The following RUFY3 variants were observed in gnomAD, a reference collection of about 807,000 sequenced individuals.
RUFY3 encodes RUN and FYVE domain containing 3, also known as protein RUFY3.
Under a neutral mutation model 84.0 loss-of-function variants are expected in RUFY3, and 34 were observed. The observed-to-expected ratio is 0.40, with a 90% CI of 0.31 to 0.54. The LOEUF (loss-of-function observed/expected upper bound fraction) is 0.54, where lower values mean the gene tolerates loss of function less well. RUFY3 is among the 20% of genes least tolerant of loss of function. RUFY3 has a pLI of 0.39. For missense variants in RUFY3, 507 were observed against 736.8 expected (o/e 0.69, Z 3.61); for synonymous variants, 242 against 252.9 (o/e 0.96, Z 0.41).
intron 13 of RUFY3, among the ~76,000 whole-genome samples, chr4:70,794,186 C>T (rs58134605): frequency 0.041 from 6,294 of 152,260 alleles, 292 homozygotes; most frequent in East Asian, 0.2. Context: ...TTCCTGAATT[C>T]TTACTGTGTG....
At chr4:70,724,577 A>T (rs754395090) in intron 1 of RUFY3, among the ~76,000 whole-genome samples, 24 of 152,210 alleles carry the variant, frequency 1.6e-4, no homozygotes, top group Admixed American at 6.5e-4. Context: ...TAAGTAATAA[A>T]TTGTATGTCT....
At chr4:70,713,299 A>G (rs992150754) in intron 1 of RUFY3, among the ~76,000 whole-genome samples, 1 of 152,234 alleles carries the variant, frequency 6.6e-6, no homozygotes, top group African/African-American at 2.4e-5. Context: ...TTGGGATTAC[A>G]GGCGTGAGCC....
intron 1 of RUFY3, among the ~76,000 whole-genome samples, chr4:70,708,899 T>A (rs1185742108): frequency 6.6e-6 from 1 of 152,012 alleles, no homozygotes; most frequent in East Asian, 1.9e-4. Flanking sequence ...TTTTTTAAAT[T>A]AAAAATAAGT....
At chr4:70,713,792 G>C (rs1741266916) in intron 1 of RUFY3, among the ~76,000 whole-genome samples, 1 of 152,150 alleles carries the variant, frequency 6.6e-6, no homozygotes, top group Non-Finnish European at 1.5e-5. Context: ...AGGTGAGAAT[G>C]CTTGGTAAAA....
chr4:70,741,449 T>C (rs549067955), intron 1 of RUFY3, among the ~76,000 whole-genome samples: 1 of 152,342 alleles, frequency 6.6e-6, no homozygotes, highest in South Asian at 2.1e-4. Flanking sequence ...TTGCTATCTC[T>C]GCTTATTTGG....
chr4:70,710,418 C>CCG (rs1366785369), intron 1 of RUFY3, among the ~76,000 whole-genome samples: 6 of 152,170 alleles, frequency 3.9e-5, no homozygotes, highest in African/African-American at 1.4e-4. Flanking sequence ...CGCCTGTAAT[C>CCG]CCATCACTTT....
At chr4:70,712,157 A>G (rs1741067555) in intron 1 of RUFY3, among the ~76,000 whole-genome samples, 1 of 151,482 alleles carries the variant, frequency 6.6e-6, no homozygotes, top group South Asian at 2.1e-4. Context: ...TTATATAACA[A>G]TTTTTTTTTG....
At chr4:70,722,791 C>A in intron 1 of RUFY3, 40 bp downstream of exon 1, 1 of 1,586,714 alleles carries the variant, frequency 6.3e-7, no homozygotes, top group South Asian at 1.1e-5. Flanking sequence ...CACCAGCATC[C>A]TCATTGTTAT....
intron 7 of RUFY3, among the ~76,000 whole-genome samples, chr4:70,775,944 C>CAAAAAAAAAAAAAAAAA (rs11369578): frequency 7.6e-6 from 1 of 132,292 alleles, no homozygotes; most frequent in African/African-American, 3.2e-5. Context: ...CTGTCTTAAA[C>CAAAAAAAAAAAAAAAAA]AAAAAAAAAA....
At chr4:70,753,651 G>C (rs1302549852) in intron 1 of RUFY3, among the ~76,000 whole-genome samples, 1 of 152,184 alleles carries the variant, frequency 6.6e-6, no homozygotes, top group Non-Finnish European at 1.5e-5. Context: ...TGCCAGTGTT[G>C]ATGTTCTGAG....
chr4:70,755,808 G>A (rs573337157), intron 1 of RUFY3, among the ~76,000 whole-genome samples: 21 of 152,092 alleles, frequency 1.4e-4, no homozygotes, highest in African/African-American at 7.2e-5. Flanking sequence ...AAAGTTAGCC[G>A]GGCGTGGCAG....
intron 12 of RUFY3, chr4:70,792,871 C>T: frequency 5.1e-6 from 5 of 985,288 alleles, no homozygotes; most frequent in Non-Finnish European, 6.0e-6. Context: ...ATAATTTGCA[C>T]CTATATAAAC....
intron 1 of RUFY3, among the ~76,000 whole-genome samples, chr4:70,707,202 A>G (rs914639943): frequency 6.6e-6 from 1 of 152,232 alleles, no homozygotes; most frequent in Non-Finnish European, 1.5e-5. Flanking sequence ...AGAGGACTTA[A>G]AGCTAAAGTT....
At chr4:70,720,767 A>G (rs773572269), upstream of RUFY3, among the ~76,000 whole-genome samples, 56 of 152,226 alleles carry the variant, frequency 3.7e-4, no homozygotes, top group Non-Finnish European at 7.2e-4. Context: ...CTTTCTTTCA[A>G]TTGTCCAAAA....
rs557275926 is a variant in RUFY3 at position 70,767,592 on chromosome 4, G to A, written c.573-946G>A. On this transcript the variant is annotated intron_variant, in intron 4 of 17. Coordinates refer to ENST00000381006, the MANE Select transcript of RUFY3 (RefSeq NM_001037442.4). ...TAAATACCAAGGAATGCAATAGTTA[G>A]ATCATATGAATTACATCACTGGTTT... Among the ~76,000 whole-genome samples, 12 of 152,126 alleles carry A rather than the reference G, an allele frequency of 7.9e-5. No individual in the cohort carries two copies. In the South Asian group the frequency reaches 1.7e-3, roughly 21 times the overall value.
At chr4:70,740,450 A>T (rs998048630) in intron 1 of RUFY3, among the ~76,000 whole-genome samples, 3 of 152,334 alleles carry the variant, frequency 2.0e-5, no homozygotes, top group Admixed American at 2.0e-4. Flanking sequence ...GCCTTTTTCT[A>T]TACAAATCTT....
Position 70,768,627 on chromosome 4 carries a change from A to G in RUFY3, c.662A>G (p.Asn221Ser). 6.2e-7 allele frequency: 1 copy of G among 1,613,982 alleles called. No homozygotes were observed. Among genetic ancestry groups the G allele is most frequent in the Non-Finnish European group, 8.5e-7 (1 of 1,179,978 alleles). ...GTGGGTCTGAATGTCATTGATGCCA[A>G]TTTCTGTATGAAAGGAGAAGACTTG... is the stretch of plus-strand genomic sequence containing the variant. ...LLVGLNVIDA[N>S]FCMKGEDLDS... The change falls in exon 5 of 18, where the codon AAT (asparagine) becomes AGT (serine). Residue 221 changes from asparagine to serine, a missense_variant. By Grantham distance (46) the Asn-to-Ser change is conservative. Coordinates refer to ENST00000381006, the MANE Select transcript of RUFY3 (RefSeq NM_001037442.4).
exon 1 of RUFY3, chr4:70,705,261 G>A (rs1740143722): frequency 2.8e-6 from 4 of 1,426,586 alleles, no homozygotes; most frequent in African/African-American, 1.5e-5. Context: ...CTACCCGAGC[G>A]GCGGCGGCGG....
chr4:70,713,078 C>T (rs1219510663), intron 1 of RUFY3, among the ~76,000 whole-genome samples: 3 of 152,178 alleles, frequency 2.0e-5, no homozygotes, highest in African/African-American at 4.8e-5. Context: ...GTTTGGAGTG[C>T]GATGGGGCAA....
Sources: gnomAD v4.1 joint callset for allele counts (sites outside exome capture counted in the v4.1 genomes callset) on GRCh38, gnomAD v4.1.1 for gene constraint, MANE v1.5 for transcripts, NCBI Gene and HGNC (gene_info 2026-07-23, HGNC 2026-07-21) for gene names.